The following SCG3 variants were observed in gnomAD, a reference collection of about 807,000 sequenced individuals.
SCG3 encodes secretogranin III, also known as secretogranin-3.
A neutral mutation model predicts 56.2 loss-of-function variants in SCG3; 38 were observed. That is an observed-to-expected ratio of 0.68 (90% CI 0.52 to 0.89). The LOEUF (loss-of-function observed/expected upper bound fraction) is 0.89, where lower values mean the gene tolerates loss of function less well. Among genes scored for constraint, SCG3 ranks in the 40% least tolerant of loss-of-function variants. The pLI, the probability that SCG3 is intolerant of heterozygous loss-of-function variation, is 0.00. For synonymous variants in SCG3, 176 were observed against 184.2 expected (o/e 0.96, Z 0.36); for missense variants, 524 against 540.7 (o/e 0.97, Z 0.31).
At chr15:51,705,359 T>C (rs2055368570) in intron 10 of SCG3, among the ~76,000 whole-genome samples, 2 of 152,138 alleles carry the variant, frequency 1.3e-5, no homozygotes, top group South Asian at 4.1e-4. Context: ...AAAAAATGAA[T>C]ATAAAAGAGA....
At chr15:51,696,053 A>G in intron 8 of SCG3, 62 bp downstream of exon 8, 1 of 928,318 alleles carries the variant, frequency 1.1e-6, no homozygotes, top group Non-Finnish European at 1.8e-6. Flanking sequence ...TAAATTAGGG[A>G]CTTGGCAATA....
chr15:51,692,099 G>C lies in SCG3; in HGVS notation c.691-60G>C, dbSNP rs2055270745. On this transcript the variant is annotated intron_variant, in intron 6 of 11. Transcript: ENST00000220478. ...AGGGCATCACAAAGGAAGGAATCAA[G>C]CTGGAGTTTCACTAGTTCTAACAAA... 2.7e-6 allele frequency: 4 copies of C among 1,475,412 alleles called. No homozygotes were observed. In the South Asian group the frequency reaches 5.3e-5, roughly 19 times the overall value. 91.4% of individuals were successfully genotyped at this position (1,475,412 alleles called of 1,614,324 possible).
At chr15:51,697,132 CTGTGTG>C (rs3078107) in intron 8 of SCG3, among the ~76,000 whole-genome samples, 12 of 146,022 alleles carry the variant, frequency 8.2e-5, no homozygotes, top group South Asian at 2.2e-4. Flanking sequence ...AGATGTTATT[CTGTGTG>C]TGTGTGTGTG....
At chr15:51,681,930 C>A in intron 1 of SCG3, 93 bp downstream of exon 1, 2 of 938,332 alleles carry the variant, frequency 2.1e-6, no homozygotes, top group Non-Finnish European at 3.4e-6. Flanking sequence ...ATCACCCTGA[C>A]GCGTTTTCTG....
chr15:51,704,668 A>T (rs2055361993), intron 10 of SCG3, among the ~76,000 whole-genome samples: 1 of 149,818 alleles, frequency 6.7e-6, no homozygotes, highest in African/African-American at 2.4e-5. Context: ...TTTAAGGCTG[A>T]AGAAATACTC....
At chr15:51,715,690 G>C (rs1213187074) in intron 11 of SCG3, among the ~76,000 whole-genome samples, 1 of 152,132 alleles carries the variant, frequency 6.6e-6, no homozygotes, top group South Asian at 2.1e-4. Flanking sequence ...GGGCAGAGTT[G>C]GCATTAGACC....
intron 9 of SCG3, 59 bp downstream of exon 9, chr15:51,699,461 T>A: frequency 9.6e-7 from 1 of 1,037,472 alleles, no homozygotes; most frequent in East Asian, 2.5e-5. Flanking sequence ...GAGTGGTAAA[T>A]AATGAACTTT....
rs369834631 is a variant in SCG3, at chr15:51,716,232, T to G, written c.1288+2819T>G. 3.3e-4 allele frequency among the ~76,000 whole-genome samples: 50 copies of G among 152,310 alleles called. No homozygotes were observed. The South Asian group carries it at 9.7e-3, about 30-fold the overall frequency. Reference sequence around the variant, plus strand: ...CTGCCTTTTATTCCATTAAAGATGTTGACACTGCAGCCTATTCTGCAGAGG... The same window carrying G: ...CTGCCTTTTATTCCATTAAAGATGTGGACACTGCAGCCTATTCTGCAGAGG... On this transcript the variant is annotated intron_variant, in intron 11 of 11. Transcript: ENST00000220478.
In SCG3 at chr15:51,683,411, G is replaced by A. The variant is rs2305710; in HGVS notation, c.374G>A (p.Ser125Asn). ...ATCGATGATTATGACTCTACTAAGA[G>A]TGGATTGGATCATAAATTTCAAGGT... Reference protein sequence around the residue: ...KLIDDYDSTKSGLDHKFQDDP... With the variant: ...KLIDDYDSTKNGLDHKFQDDP... Residue 125 changes from serine to asparagine, a missense_variant, in exon 4 of 12, where the codon AGT becomes AAT. Ser to Asn is a conservative substitution (Grantham distance 46, BLOSUM62 1). Coordinates refer to ENST00000220478, the MANE Select transcript of SCG3 (RefSeq NM_013243.4). 0.036 allele frequency: 57,997 copies of A among 1,609,470 alleles called. 1,518 individuals carry two copies. Among genetic ancestry groups the A allele is most frequent in the Admixed American group, 0.096 (5,724 of 59,394 alleles).
intron 4 of SCG3, among the ~76,000 whole-genome samples, chr15:51,687,863 G>A (rs895780242): frequency 6.6e-6 from 1 of 152,090 alleles, no homozygotes; most frequent in Non-Finnish European, 1.5e-5. Context: ...TCTATTCCCT[G>A]TATGGAACTG....
intron 5 of SCG3, 50 bp from the exon 6 acceptor site, chr15:51,689,169 A>G (rs748168533): frequency 1.0e-5 from 16 of 1,570,312 alleles, no homozygotes; most frequent in Non-Finnish European, 1.4e-5. Flanking sequence ...ATTTTTTAAT[A>G]ACAAGACTGG....
chr15:51,694,678 T>G (rs1390020072), intron 7 of SCG3, among the ~76,000 whole-genome samples: 2 of 152,208 alleles, frequency 1.3e-5, no homozygotes, highest in African/African-American at 4.8e-5. Context: ...TTCTGAGCTA[T>G]TATGGCATCA....
chr15:51,694,210 A>G (rs1198543875), intron 7 of SCG3, among the ~76,000 whole-genome samples: 1 of 152,168 alleles, frequency 6.6e-6, no homozygotes, highest in African/African-American at 2.4e-5. Flanking sequence ...GTCTCAACCA[A>G]TTAAGAATGA....
intron 10 of SCG3, among the ~76,000 whole-genome samples, chr15:51,712,105 T>C (rs1037357074): frequency 2.0e-5 from 3 of 152,168 alleles, no homozygotes; most frequent in Admixed American, 6.5e-5. Context: ...TCTTCATCTG[T>C]AAAATGGGGA....
intron 10 of SCG3, among the ~76,000 whole-genome samples, chr15:51,710,129 ATT>A (rs528056102): frequency 1.1e-4 from 16 of 151,910 alleles, no homozygotes; most frequent in Admixed American, 2.0e-4. Flanking sequence ...GTACAGAAAG[ATT>A]TCATCCATTT....
chr15:51,709,269 A>G (rs755850868), intron 10 of SCG3, among the ~76,000 whole-genome samples: 8 of 152,076 alleles, frequency 5.3e-5, no homozygotes, highest in Non-Finnish European at 1.0e-4. Flanking sequence ...GCATGGGGGT[A>G]ACCGCCCCCC....
intron 10 of SCG3, among the ~76,000 whole-genome samples, chr15:51,711,797 C>T (rs1241886745): frequency 6.6e-6 from 1 of 152,088 alleles, no homozygotes; most frequent in East Asian, 1.9e-4. Context: ...TAAATAAGGA[C>T]TAAAAATTGT....
intron 6 of SCG3, 32 bp downstream of exon 6, chr15:51,689,400 G>T (rs1456301): frequency 0.24 from 283,779 of 1,162,494 alleles, 26,239 homozygotes; most frequent in East Asian, 0.44. Flanking sequence ...TATGCATGGG[G>T]GTGTGTGTGT....
rs182182990 is a variant in SCG3 at position 51,689,338 on chromosome 15, G to C, written c.660G>C (p.Glu220Asp). Residue 220 changes from glutamate (E) to aspartate (D), a missense_variant, in exon 6 of 12, where the codon GAG becomes GAC. Coordinates refer to ENST00000220478, the MANE Select transcript of SCG3 (RefSeq NM_013243.4). ...EDPNKPTSWT[E>D]NQAGKIPEKV... ...CCAATAAGCCCACAAGCTGGACTGA[G>C]AATCAGGCTGGAAAAATACCAGAGA... 1 of 1,613,746 alleles carries C rather than the reference G, an allele frequency of 6.2e-7. No homozygotes were observed. Among genetic ancestry groups the C allele is most frequent in the East Asian group, 2.2e-5 (1 of 44,874 alleles).
Sources: allele counts gnomAD v4.1 joint callset (sites outside exome capture counted in the v4.1 genomes callset), GRCh38; gene constraint gnomAD v4.1.1; transcripts MANE v1.5; gene names NCBI Gene and HGNC (gene_info 2026-07-23, HGNC 2026-07-21).